AKT3: variants seen among roughly 807,000 people sequenced by gnomAD.
The protein encoded by AKT3 is AKT serine/threonine kinase 3.
In AKT3, 15 loss-of-function variants were observed where a neutral mutation model predicts 65.3. That is an observed-to-expected ratio of 0.23 (90% CI 0.15 to 0.35). The LOEUF is 0.35. Among genes scored for constraint, AKT3 ranks in the 10% least tolerant of loss-of-function variants. The pLI is 1.00. For missense variants in AKT3, 243 were observed against 576.5 expected (o/e 0.42, Z 5.92); for synonymous variants, 206 against 183.8 (o/e 1.12, Z -0.98).
intron 4 of AKT3, among the ~76,000 whole-genome samples, chr1:243,655,102 A>G (rs1681663205): frequency 6.6e-6 from 1 of 151,960 alleles, no homozygotes; most frequent in African/African-American, 2.4e-5. Flanking sequence ...CTTACATTCT[A>G]TTCTTAATTA....
chr1:243,837,492 G>C (rs1694962942), intron 2 of AKT3, among the ~76,000 whole-genome samples: 1 of 152,072 alleles, frequency 6.6e-6, no homozygotes, highest in Non-Finnish European at 1.5e-5. Context: ...GAAATTTACA[G>C]ATCAATACTC....
intron 3 of AKT3, 100 bp downstream of exon 3, chr1:243,695,491 A>C: frequency 8.5e-7 from 1 of 1,175,432 alleles, no homozygotes; most frequent in East Asian, 2.7e-5. Context: ...ATATAAACCC[A>C]AACTTTTTCA....
Position 243,726,674 on chromosome 1 carries a change from A to G in AKT3, c.47-30958T>C, listed in dbSNP as rs532999893. On this transcript the variant is annotated intron_variant, in intron 2 of 13. Transcript: ENST00000673466. ...CCACAGCCATGAGAGTTGTCAAAAT[A>G]ACAGGAAGAAAAATGGACCAAGGAT... Among the ~76,000 whole-genome samples, 10 of 152,316 alleles carry G rather than the reference A, an allele frequency of 6.6e-5. No individual in the cohort carries two copies. The East Asian group carries it at 1.7e-3, about 26-fold the overall frequency.
intron 6 of AKT3, among the ~76,000 whole-genome samples, chr1:243,617,090 C>T (rs1301434216): frequency 6.6e-6 from 1 of 152,082 alleles, no homozygotes; most frequent in Non-Finnish European, 1.5e-5. Context: ...AATTGTGTAT[C>T]ATAGGAAAGA....
chr1:243,515,048 T>C (rs546643489), intron 12 of AKT3, among the ~76,000 whole-genome samples: 4 of 152,352 alleles, frequency 2.6e-5, no homozygotes, highest in South Asian at 2.1e-4. Flanking sequence ...AAATGGATCA[T>C]AGAGTATGTA....
intron 4 of AKT3, among the ~76,000 whole-genome samples, chr1:243,649,805 G>C (rs141627145): frequency 1.3e-5 from 2 of 151,922 alleles, no homozygotes; most frequent in African/African-American, 4.8e-5. Flanking sequence ...TTTTTATCCC[G>C]TCTATCACTG....
intron 12 of AKT3, among the ~76,000 whole-genome samples, chr1:243,543,499 A>G (rs961587188): frequency 6.6e-6 from 1 of 152,054 alleles, no homozygotes; most frequent in African/African-American, 2.4e-5. Flanking sequence ...GGGTGTCTAG[A>G]AAGGATGATA....
chr1:243,641,224 T>C (rs1680362085), intron 5 of AKT3, among the ~76,000 whole-genome samples: 2 of 150,810 alleles, frequency 1.3e-5, no homozygotes, highest in Admixed American at 1.3e-4. Context: ...GTGTGTTTAA[T>C]ACTCCTTAAT....
chr1:243,712,427 G>A (rs1197700956), intron 2 of AKT3, among the ~76,000 whole-genome samples: 6 of 152,260 alleles, frequency 3.9e-5, no homozygotes, highest in Admixed American at 1.3e-4. Context: ...CTGTCAGTAC[G>A]TTGGCCTTTC....
chr1:243,829,075 C>T (rs973463517), intron 2 of AKT3, among the ~76,000 whole-genome samples: 11 of 152,052 alleles, frequency 7.2e-5, no homozygotes, highest in Admixed American at 3.9e-4. Flanking sequence ...CCTTCCTATC[C>T]CTGCCTAATC....
intron 8 of AKT3, among the ~76,000 whole-genome samples, chr1:243,613,372 T>C (rs1168550934): frequency 1.3e-5 from 2 of 151,946 alleles, no homozygotes; most frequent in Non-Finnish European, 2.9e-5. Flanking sequence ...TATTTCTGGT[T>C]TTCAAAATTT....
intron 10 of AKT3, among the ~76,000 whole-genome samples, chr1:243,557,318 T>C (rs1673477610): frequency 6.6e-6 from 1 of 152,128 alleles, no homozygotes; most frequent in African/African-American, 2.4e-5. Context: ...GGGTTAGTTT[T>C]GTATATGTTC....
At chr1:243,655,025 A>G (rs1353604632) in intron 4 of AKT3, among the ~76,000 whole-genome samples, 1 of 151,690 alleles carries the variant, frequency 6.6e-6, no homozygotes, top group East Asian at 1.9e-4. Flanking sequence ...TTTTTGCTCT[A>G]TTCTCTCCTC....
intron 4 of AKT3, among the ~76,000 whole-genome samples, chr1:243,651,655 G>A (rs1681341861): frequency 6.6e-6 from 1 of 152,190 alleles, no homozygotes; most frequent in Non-Finnish European, 1.5e-5. Context: ...AGATAATCAT[G>A]TGGTTTTTGT....
Position 243,844,385 on chromosome 1 carries a change from A to G in AKT3, c.-112-1103T>C, listed in dbSNP as rs1695419833. ...AAAAGAAGTCAGAGTAAAGGCATAC[A>G]TACTTGGGAAAGATACGTCACAAAT... On this transcript the variant is annotated intron_variant, in intron 1 of 13. Transcript: ENST00000673466. Among the ~76,000 whole-genome samples the G allele has an allele frequency of 2.0e-5, 3 of 152,346 alleles. No individual in the cohort carries two copies. The South Asian group carries it at 6.2e-4, about 32-fold the overall frequency.
At chr1:243,760,047 T>A (rs988346482) in intron 2 of AKT3, among the ~76,000 whole-genome samples, 2 of 152,174 alleles carry the variant, frequency 1.3e-5, no homozygotes, top group African/African-American at 2.4e-5. Context: ...GGCTTTAAAC[T>A]TGGGTTAGGC....
intron 2 of AKT3, among the ~76,000 whole-genome samples, chr1:243,744,456 T>C (rs960365183): frequency 6.6e-6 from 1 of 152,084 alleles, no homozygotes; most frequent in Non-Finnish European, 1.5e-5. Context: ...TAAAAAATTA[T>C]TGGCCGGGCG....
chr1:243,662,612 C>T (rs1393058444), intron 4 of AKT3, among the ~76,000 whole-genome samples: 2 of 150,316 alleles, frequency 1.3e-5, no homozygotes, highest in African/African-American at 4.9e-5. Context: ...TGCTAGATGA[C>T]GAGTTAGTGG....
chr1:243,775,174 A>G (rs1690471672), intron 2 of AKT3, among the ~76,000 whole-genome samples: 1 of 151,292 alleles, frequency 6.6e-6, no homozygotes, highest in African/African-American at 2.4e-5. Context: ...TGTTCCTATT[A>G]TTTGTTTGTT....
Sources: allele counts gnomAD v4.1 joint callset (sites outside exome capture counted in the v4.1 genomes callset), GRCh38; gene constraint gnomAD v4.1.1; transcripts MANE v1.5; gene names NCBI Gene and HGNC (gene_info 2026-07-23, HGNC 2026-07-21).